The following CIAO3 variants were observed in gnomAD, a reference collection of about 807,000 sequenced individuals.
CIAO3 encodes the protein cytosolic iron-sulfur assembly component 3, also known as LET1 like/JFP15.
A neutral mutation model predicts 51.5 loss-of-function variants in CIAO3; 45 were observed. The ratio of observed to expected loss-of-function variants is 0.87; its 90% confidence interval spans 0.69 to 1.12. The LOEUF (loss-of-function observed/expected upper bound fraction) is 1.12, where lower values mean the gene tolerates loss of function less well. Ranked by LOEUF, CIAO3 falls within the 50% of genes most tolerant of loss-of-function variation. The probability of loss-of-function intolerance (pLI) is 0.00; values close to 1 mark genes in which losing one functional copy is unlikely to be tolerated. For missense variants in CIAO3, 668 were observed against 632.5 expected (o/e 1.06, Z -0.60); for synonymous variants, 314 against 269.3 (o/e 1.17, Z -1.63).
At position 739,754 on chromosome 16, in the gene CIAO3, A is replaced by T. The variant is rs1382322865; in HGVS notation, c.67-16T>A. 6.2e-7 allele frequency: 1 copy of T among 1,611,370 alleles called. No homozygotes were observed. Among genetic ancestry groups the T allele is most frequent in the Admixed American group, 1.7e-5 (1 of 59,934 alleles). On this transcript the variant is annotated splice_polypyrimidine_tract_variant and intron_variant, in intron 1 of 10. Transcript: ENST00000251588. The stretch of plus-strand genomic sequence containing the variant: ...TGATGCACTCCTAGAGCAGGAAGAG[A>T]CCCCAAATCAGCCCCTGTGAGTGGG...
intron 1 of CIAO3, chr16:740,645 A>G: frequency 2.0e-6 from 1 of 512,514 alleles, no homozygotes; most frequent in Non-Finnish European, 3.5e-6. Context: ...GCCCGCGACC[A>G]CGGGACCCTC....
chr16:737,867 G>A lies in CIAO3; in HGVS notation c.163-538C>T, dbSNP rs978604633. 20 of 1,182,990 alleles carry A rather than the reference G, an allele frequency of 1.7e-5. No homozygotes were observed. The highest frequency in any genetic ancestry group is 1.9e-5 in the Non-Finnish European group (18 of 938,624). 73.3% of individuals were successfully genotyped at this position (1,182,990 alleles called of 1,614,324 possible). On this transcript the variant is annotated intron_variant, in intron 2 of 10. Coordinates refer to ENST00000251588, the MANE Select transcript of CIAO3 (RefSeq NM_022493.3). This position sits in a 1 kb window ranked among gnomAD's most constrained non-coding sequence, Gnocchi z 5.3. ...CAAGGTGTTCCAGTCGGGGGCCTCC[G>A]GGACATGCCTCAGCAACTTTTCTTA...
Position 731,632 on chromosome 16 carries a change from C to T in CIAO3, c.967G>A (p.Val323Met), listed in dbSNP as rs763785127. The T allele has an allele frequency of 2.2e-5, 35 of 1,561,214 alleles. No individual in the cohort carries two copies. The highest frequency in any genetic ancestry group is 1.3e-4 in the South Asian group (11 of 84,930). ...GGGSGGYLEH[V>M]FRHAARELFG... The stretch of plus-strand genomic sequence containing the variant: ...AGCTCTCGGGCCGCGTGCCGGAACA[C>T]GTGCTCCAGGTAGCCCCCCGAGCCC... Residue 323 changes from valine (V) to methionine (M), a missense_variant, in exon 9 of 11, where the codon GTG (valine) becomes ATG (methionine). Val to Met is a conservative substitution (Grantham distance 21). Transcript: ENST00000251588.
intron 1 of CIAO3, 50 bp downstream of exon 1, chr16:740,870 C>G: frequency 6.7e-7 from 1 of 1,490,518 alleles, no homozygotes; most frequent in Non-Finnish European, 9.0e-7. Context: ...TCCCTCCGCG[C>G]GACAGGGCAC....
intron 1 of CIAO3, 37 bp from the exon 2 acceptor site, chr16:739,775 G>A (rs372586307): frequency 6.3e-7 from 1 of 1,591,748 alleles, no homozygotes; most frequent in Non-Finnish European, 8.6e-7. Context: ...GCCCCTGTGA[G>A]TGGGCGGAGG....
At chr16:738,781 G>A (rs1450876784) in intron 2 of CIAO3, among the ~76,000 whole-genome samples, 2 of 151,506 alleles carry the variant, frequency 1.3e-5, no homozygotes, top group African/African-American at 4.9e-5. Context: ...TTGAGTAGCT[G>A]GGATTACAGG....
chr16:734,845 A>G lies in CIAO3; in HGVS notation c.466T>C (p.Phe156Leu). The change falls in exon 5 of 11, where the codon TTC becomes CTC. Residue 156 changes from phenylalanine (F) to leucine (L), a missense_variant. Transcript: ENST00000251588. ...IGVHFVFDTA[F>L]SRHFSLLESQ... ...TCCAGGAGGCTGAAGTGCCTTGAGAAGGCGGTGTCGAAGACGAAGTGCACC... is the reference window on the plus strand; with the variant it reads ...TCCAGGAGGCTGAAGTGCCTTGAGAGGGCGGTGTCGAAGACGAAGTGCACC... 6.3e-7 allele frequency: 1 copy of G among 1,577,454 alleles called. No individual in the cohort carries two copies. Among genetic ancestry groups the G allele is most frequent in the Non-Finnish European group, 8.6e-7 (1 of 1,157,566 alleles).
intron 3 of CIAO3, 119 bp from the exon 4 acceptor site, chr16:736,517 TC>T (rs2041340043): frequency 3.2e-6 from 4 of 1,232,228 alleles, no homozygotes; most frequent in East Asian, 2.5e-5. Context: ...CCATCAAGAG[TC>T]TTTTTTTTTT....
intron 2 of CIAO3, among the ~76,000 whole-genome samples, chr16:738,705 TG>T (rs1238417381): frequency 6.6e-6 from 1 of 150,918 alleles, no homozygotes; most frequent in East Asian, 2.0e-4. Context: ...TGGAGTGCAG[TG>T]GAGCAATCTT....
In CIAO3 at chr16:737,551, T is replaced by C. The variant is rs1027364937; in HGVS notation, c.163-222A>G. 1.4e-5 allele frequency: 21 copies of C among 1,499,016 alleles called. No individual in the cohort carries two copies. The African/African-American group carries it at 2.2e-4, about 16-fold the overall frequency. The allele number at this position is 1,499,016 out of a possible 1,614,324, so 92.9% of individuals were successfully genotyped here. A position where few individuals can be genotyped will look rare whatever the true frequency, so the allele number is the denominator to read the frequency against. On this transcript the variant is annotated intron_variant, in intron 2 of 10. Coordinates refer to ENST00000251588, the MANE Select transcript of CIAO3 (RefSeq NM_022493.3). The surrounding 1 kb of genome is among the most constrained non-coding windows in gnomAD (Gnocchi z 5.3). ...CTGCTTCTTGGTACCACTTGGTTAGTGCATCCGAATCACAGGACTAAGGCT... is the reference window on the plus strand; with the variant it reads ...CTGCTTCTTGGTACCACTTGGTTAGCGCATCCGAATCACAGGACTAAGGCT...
At chr16:738,010 G>A (rs1238612953) in intron 2 of CIAO3, 4 of 1,140,866 alleles carry the variant, frequency 3.5e-6, no homozygotes. Context: ...TAAGGCGACT[G>A]GGTGGGAACT....
At position 737,377 on chromosome 16, in the gene CIAO3, A is replaced by G. The variant is rs1172051011; in HGVS notation, c.163-48T>C. ...GCACAGGGGCCCCCTCTGCACGAGG[A>G]CATGGAGACAGAGGATAGTGGAGTC... On this transcript the variant is annotated intron_variant, in intron 2 of 10. Transcript: ENST00000251588. This position sits in a 1 kb window ranked among gnomAD's most constrained non-coding sequence, Gnocchi z 5.3. The G allele has an allele frequency of 2.5e-6, 4 of 1,608,684 alleles. No individual in the cohort carries two copies. The African/African-American group carries it at 5.3e-5, about 21-fold the overall frequency.
chr16:737,971 T>C lies in CIAO3; in HGVS notation c.163-642A>G. On this transcript the variant is annotated intron_variant, in intron 2 of 10. Coordinates refer to ENST00000251588, the MANE Select transcript of CIAO3 (RefSeq NM_022493.3). The surrounding 1 kb of genome is among the most constrained non-coding windows in gnomAD (Gnocchi z 5.3). ...ATGGTTTGAGCAGGGCCAGGGGTGC[T>C]GCAGTGGCCCGGAATACAGCCAGAG... The C allele has an allele frequency of 8.6e-7, 1 of 1,164,246 alleles. No homozygotes were observed. The highest frequency in any genetic ancestry group is 1.7e-5 in the South Asian group (1 of 58,638). The allele number at this position is 1,164,246 out of a possible 1,614,324, so 72.1% of individuals were successfully genotyped here.
rs549198171 is a variant in CIAO3, at chr16:734,148, T to G, written c.693+81A>C. 7.9e-6 allele frequency: 10 copies of G among 1,260,560 alleles called. No homozygotes were observed. The South Asian group carries it at 1.2e-4, about 15-fold the overall frequency. 78.1% of individuals were successfully genotyped at this position (1,260,560 alleles called of 1,614,324 possible). A position where few individuals can be genotyped will look rare whatever the true frequency, so the allele number is the denominator to read the frequency against. Reference sequence around the variant, plus strand: ...ACAGCACAGCGAGGACTCTGTTTCCTGCAGCCTCATGGCAAGAGGCCAGCA... The same window carrying G: ...ACAGCACAGCGAGGACTCTGTTTCCGGCAGCCTCATGGCAAGAGGCCAGCA... On this transcript the variant is annotated intron_variant, in intron 6 of 10. Coordinates refer to ENST00000251588, the MANE Select transcript of CIAO3 (RefSeq NM_022493.3).
chr16:730,247 A>G lies in CIAO3; in HGVS notation c.*170T>C, dbSNP rs917824228. Reference sequence around the variant, plus strand: ...GCCAGTGGGAACCCAGAGGCACCCAACTGGAGGTGACGAGGCGGCTGCGGG... The same window carrying G: ...GCCAGTGGGAACCCAGAGGCACCCAGCTGGAGGTGACGAGGCGGCTGCGGG... On this transcript the variant is annotated 3_prime_UTR_variant, in exon 11 of 11. Transcript: ENST00000251588. The G allele has an allele frequency of 1.5e-6, 1 of 669,052 alleles. No individual in the cohort carries two copies. Among genetic ancestry groups the G allele is most frequent in the Non-Finnish European group, 2.5e-6 (1 of 395,728 alleles). The allele number at this position is 669,052 out of a possible 1,614,324, so 41.4% of individuals were successfully genotyped here.
Position 730,393 on chromosome 16 carries a change from C to G in CIAO3, c.*24G>C. 1 of 1,593,210 alleles carries G rather than the reference C, an allele frequency of 6.3e-7. No individual in the cohort carries two copies. The highest frequency in any genetic ancestry group is 1.3e-5 in the African/African-American group (1 of 74,928). ...TGCTGTCACACATGGACACGGCCTC[C>G]TGGGAGTCCTGGTCCTGCAGCCCCT... On this transcript the variant is annotated 3_prime_UTR_variant, in exon 11 of 11. Coordinates refer to ENST00000251588, the MANE Select transcript of CIAO3 (RefSeq NM_022493.3).
In CIAO3 at chr16:737,846, G is replaced by A; in HGVS notation, c.163-517C>T. ...CTCGCCAAACAGATGCAGGAACAAG[G>A]TGTTCCAGTCGGGGGCCTCCGGGAC... On this transcript the variant is annotated intron_variant, in intron 2 of 10. Transcript: ENST00000251588. This position sits in a 1 kb window ranked among gnomAD's most constrained non-coding sequence, Gnocchi z 5.3. 7 of 1,184,472 alleles carry A rather than the reference G, an allele frequency of 5.9e-6. No homozygotes were observed. The highest frequency in any genetic ancestry group is 7.5e-6 in the Non-Finnish European group (7 of 938,294). 73.4% of individuals were successfully genotyped at this position (1,184,472 alleles called of 1,614,324 possible). A position where few individuals can be genotyped will look rare whatever the true frequency, so the allele number is the denominator to read the frequency against.
chr16:736,860 C>T, intron 3 of CIAO3: 1 of 361,672 alleles, frequency 2.8e-6, no homozygotes, highest in South Asian at 2.9e-5. Context: ...GACGGGGTTT[C>T]ACCATGTTGG....
At chr16:739,825 G>T in intron 1 of CIAO3, 87 bp from the exon 2 acceptor site, 1 of 1,407,416 alleles carries the variant, frequency 7.1e-7, no homozygotes, top group Non-Finnish European at 9.9e-7. Flanking sequence ...CTGCCCAGCC[G>T]CACAGCCTGA....
Sources: gnomAD v4.1 joint callset for allele counts (sites outside exome capture counted in the v4.1 genomes callset) on GRCh38, gnomAD v4.1.1 for gene constraint, Gnocchi (gnomAD v3.1) non-coding constraint, MANE v1.5 for transcripts, NCBI Gene and HGNC (gene_info 2026-07-23, HGNC 2026-07-21) for gene names.